Variants in ATP2B1 observed in about 807,000 individuals in gnomAD.
ATP2B1 encodes the protein ATPase plasma membrane Ca2+ transporting 1.
ATP2B1 carries 14 observed loss-of-function variants against 124.2 expected under a neutral mutation model. The ratio of observed to expected loss-of-function variants is 0.11; its 90% CI spans 0.07 to 0.18. The LOEUF is 0.18. ATP2B1 is among the 10% of genes least tolerant of loss of function. The pLI is 1.00. For synonymous variants in ATP2B1, 449 were observed against 492.4 expected (o/e 0.91, Z 1.17); for missense variants, 763 against 1,466.1 (o/e 0.52, Z 7.83).
In ATP2B1 at chr12:89,603,659, T is replaced by C. The variant is rs1001007205; in HGVS notation, c.2848+53A>G. 6 of 1,550,492 alleles carry C rather than the reference T, an allele frequency of 3.9e-6. No homozygotes were observed. The African/African-American group carries it at 8.2e-5, about 21-fold the overall frequency. On this transcript the variant is annotated intron_variant, in intron 17 of 20. Transcript: ENST00000428670. The surrounding 1 kb of genome is among the most constrained non-coding windows in gnomAD (Gnocchi z 4.3). Reference sequence around the variant, plus strand: ...GTAACATTATAACATCTTGGATGATTAGCTTGGAAAAGAAACAATTAACTG... The same window carrying C: ...GTAACATTATAACATCTTGGATGATCAGCTTGGAAAAGAAACAATTAACTG...
intron 1 of ATP2B1, among the ~76,000 whole-genome samples, chr12:89,670,067 G>T: frequency 6.6e-6 from 1 of 152,126 alleles, no homozygotes; most frequent in East Asian, 1.9e-4. Flanking sequence ...GATTCTTAGA[G>T]ATTTAAAAAT....
intron 1 of ATP2B1, among the ~76,000 whole-genome samples, chr12:89,671,008 G>T (rs1238990583): frequency 6.7e-6 from 1 of 149,636 alleles, no homozygotes; most frequent in Non-Finnish European, 1.5e-5. Context: ...CTTGGAATAG[G>T]AACTGCTAGG....
intron 3 of ATP2B1, among the ~76,000 whole-genome samples, chr12:89,640,460 G>A (rs530146421): frequency 3.0e-4 from 46 of 152,194 alleles, no homozygotes; most frequent in African/African-American, 1.0e-3. Flanking sequence ...TAATTTTGCC[G>A]CTCAATATGT....
chr12:89,622,437 C>A (rs1880148922), intron 9 of ATP2B1, among the ~76,000 whole-genome samples: 1 of 151,902 alleles, frequency 6.6e-6, no homozygotes, highest in African/African-American at 2.4e-5. Flanking sequence ...CTCTCATTTA[C>A]AACAGAAAAA....
At position 89,591,040 on chromosome 12, in the gene ATP2B1, A is replaced by T. The variant is rs1873454313; in HGVS notation, c.3607T>A (p.Ser1203Thr). The T allele has an allele frequency of 1.9e-6, 3 of 1,612,986 alleles. No individual in the cohort carries two copies. Among genetic ancestry groups the T allele is most frequent in the African/African-American group, 2.7e-5 (2 of 74,822 alleles). Residue 1203 changes from serine to threonine, a missense_variant, in exon 21 of 21, where the codon TCT becomes ACT. By Grantham distance (58) the Ser-to-Thr change is moderately conservative. This residue lies in a region of ATP2B1 where 97 missense variants were observed against 94.7 expected (regional missense o/e 1.02). Coordinates refer to ENST00000428670, the MANE Select transcript of ATP2B1 (RefSeq NM_001366521.1). ...GIHLTIEMNK[S>T]ATSSSPGSPL... Reference sequence around the variant, plus strand: ...CTTCCTGGGGATGAAGAGGTAGCAGACTTGTTCATTTCTATTGTAAGGTGA... The same window carrying T: ...CTTCCTGGGGATGAAGAGGTAGCAGTCTTGTTCATTTCTATTGTAAGGTGA...
intron 1 of ATP2B1, among the ~76,000 whole-genome samples, chr12:89,664,413 T>G (rs1057426456): frequency 1.1e-4 from 17 of 152,204 alleles, no homozygotes; most frequent in African/African-American, 3.9e-4. Flanking sequence ...AAATTTTTGG[T>G]CTACGGTCAA....
At chr12:89,624,838 T>A in intron 8 of ATP2B1, among the ~76,000 whole-genome samples, 1 of 152,210 alleles carries the variant, frequency 6.6e-6, no homozygotes, top group East Asian at 1.9e-4. Context: ...AAAATAACAT[T>A]ATAATAAATA....
At chr12:89,683,452 G>A (rs1051713187) in intron 1 of ATP2B1, among the ~76,000 whole-genome samples, 6 of 152,202 alleles carry the variant, frequency 3.9e-5, no homozygotes, top group East Asian at 1.9e-4. Flanking sequence ...TCCCAATTCC[G>A]TAAAGAAGCG....
intron 7 of ATP2B1, 140 bp from the exon 8 acceptor site, chr12:89,626,755 G>A (rs897948962): frequency 1.3e-5 from 11 of 879,786 alleles, no homozygotes; most frequent in Non-Finnish European, 1.4e-5. Context: ...GTGTGTGTGT[G>A]TCTACACAGA....
chr12:89,671,466 C>T, intron 1 of ATP2B1, among the ~76,000 whole-genome samples: 1 of 152,146 alleles, frequency 6.6e-6, no homozygotes, highest in East Asian at 1.9e-4. Context: ...GAGGAGGACA[C>T]CTGTGCCAGA....
intron 1 of ATP2B1, among the ~76,000 whole-genome samples, chr12:89,691,395 G>C (rs372265033): frequency 5.9e-5 from 9 of 152,186 alleles, no homozygotes; most frequent in East Asian, 5.8e-4. Context: ...TTATTAGTAT[G>C]ATACTCAAAC....
At chr12:89,684,244 T>C (rs1313982749) in intron 1 of ATP2B1, among the ~76,000 whole-genome samples, 1 of 152,222 alleles carries the variant, frequency 6.6e-6, no homozygotes, top group African/African-American at 2.4e-5. Context: ...TGACTGTACA[T>C]TTTTTGTGTT....
intron 1 of ATP2B1, among the ~76,000 whole-genome samples, chr12:89,687,699 C>T (rs1890118308): frequency 6.6e-6 from 1 of 151,980 alleles, no homozygotes; most frequent in Admixed American, 6.6e-5. Flanking sequence ...GAGAAAGATA[C>T]TAATATTTTG....
chr12:89,677,954 TTATATA>T (rs61256358), intron 1 of ATP2B1, among the ~76,000 whole-genome samples: 4,908 of 68,554 alleles, frequency 0.072, 383 homozygotes, highest in East Asian at 0.1. Flanking sequence ...CATGCAGGAA[TTATATA>T]TATATATATA....
Position 89,684,316 on chromosome 12 carries a change from C to T in ATP2B1, c.-222+24280G>A, listed in dbSNP as rs141669786. On this transcript the variant is annotated intron_variant, in intron 1 of 20. Transcript: ENST00000428670. ...ACATATTCAAAATGTAAAATTGAAACAAACTGGGTTGGGGCAGAGGGCCAA... is the reference window on the plus strand; with the variant it reads ...ACATATTCAAAATGTAAAATTGAAATAAACTGGGTTGGGGCAGAGGGCCAA... Among the ~76,000 whole-genome samples the T allele has an allele frequency of 6.2e-3, 938 of 152,166 alleles. 17 individuals are homozygous for T. The highest frequency in any genetic ancestry group is 0.022 in the African/African-American group (896 of 41,540).
intron 1 of ATP2B1, among the ~76,000 whole-genome samples, chr12:89,706,175 T>C (rs1329690233): frequency 6.6e-6 from 1 of 152,202 alleles, no homozygotes; most frequent in Non-Finnish European, 1.5e-5. Context: ...AGGAGCCATG[T>C]ATACAAACCA....
At chr12:89,655,481 ATAAAT>A (rs1464267145) in intron 2 of ATP2B1, 193 bp downstream of exon 2, 8 of 587,558 alleles carry the variant, frequency 1.4e-5, no homozygotes, top group African/African-American at 9.3e-5. Context: ...TCTAAAACAT[ATAAAT>A]TAATTTGCAA....
At chr12:89,705,941 A>G (rs956010798) in intron 1 of ATP2B1, among the ~76,000 whole-genome samples, 1 of 152,194 alleles carries the variant, frequency 6.6e-6, no homozygotes, top group Non-Finnish European at 1.5e-5. Flanking sequence ...TGCGGTTTGT[A>G]AGTAAGACTA....
At chr12:89,664,013 T>C (rs1394608814) in intron 1 of ATP2B1, among the ~76,000 whole-genome samples, 7 of 152,244 alleles carry the variant, frequency 4.6e-5, no homozygotes, top group Non-Finnish European at 2.9e-5. Flanking sequence ...TAATAAAAAT[T>C]TATTTGCATG....
Sources: gnomAD v4.1 joint callset for allele counts (sites outside exome capture counted in the v4.1 genomes callset) on GRCh38, gnomAD v4.1.1 for gene constraint, gnomAD v4.1.1 regional missense constraint, Gnocchi (gnomAD v3.1) non-coding constraint, MANE v1.5 for transcripts, NCBI Gene and HGNC (gene_info 2026-07-23, HGNC 2026-07-21) for gene names.